Variants in SLC6A15 observed in about 807,000 individuals in gnomAD.
The protein encoded by SLC6A15 is sodium-dependent neutral amino acid transporter B(0)AT2.
Under a neutral mutation model 68.5 loss-of-function variants are expected in SLC6A15, and 33 were observed. The observed-to-expected ratio is 0.48, with a 90% CI of 0.37 to 0.64. The LOEUF (loss-of-function observed/expected upper bound fraction) is 0.64. SLC6A15 is among the 30% of genes least tolerant of loss of function. The pLI is 0.00. For missense variants in SLC6A15, 747 were observed against 874.3 expected, an observed-to-expected ratio of 0.85 and a Z score of 1.84; for synonymous variants, 347 against 301.0, an observed-to-expected ratio of 1.15 and a Z score of -1.58.
intron 9 of SLC6A15, among the ~76,000 whole-genome samples, chr12:84,869,010 A>G (rs1483905824): frequency 6.6e-6 from 1 of 152,218 alleles, no homozygotes; most frequent in Admixed American, 6.5e-5. Context: ...GTGGATATAT[A>G]GCTATCAATA....
rs1381935671 is a variant in SLC6A15, at chr12:84,859,756, G to A, written c.*1876C>T. On this transcript the variant is annotated 3_prime_UTR_variant, in exon 12 of 12. Transcript: ENST00000266682. ...TTATTAGTTCAGCCTCTGAAATAAG[G>A]AAGCACATTTGTGAATATTCATACA... 1.3e-5 allele frequency: 2 copies of A among 151,954 alleles called. No homozygotes were observed. The highest frequency in any genetic ancestry group is 4.8e-5 in the African/African-American group (2 of 41,398). The allele number at this position is 151,954 out of a possible 1,614,324, so 9.4% of individuals were successfully genotyped here. A position where few individuals can be genotyped will look rare whatever the true frequency, so the allele number is the denominator to read the frequency against.
chr12:84,897,433 T>C (rs1872677731), intron 1 of SLC6A15, among the ~76,000 whole-genome samples: 1 of 151,976 alleles, frequency 6.6e-6, no homozygotes, highest in African/African-American at 2.4e-5. Context: ...AATAATACAA[T>C]TAATAAAACA....
Position 84,861,428 on chromosome 12 carries a change from T to C in SLC6A15, c.*204A>G. On this transcript the variant is annotated 3_prime_UTR_variant, in exon 12 of 12. Transcript: ENST00000266682. Reference sequence around the variant, plus strand: ...TGTACCTCAGCCCTCCTAAGATTTGTCTGCAATCCTTTCTGCACAAATGTA... The same window carrying C: ...TGTACCTCAGCCCTCCTAAGATTTGCCTGCAATCCTTTCTGCACAAATGTA... 2.0e-6 allele frequency: 1 copy of C among 496,738 alleles called. No homozygotes were observed. The highest frequency in any genetic ancestry group is 6.4e-5 in the South Asian group (1 of 15,654). 30.8% of individuals were successfully genotyped at this position (496,738 alleles called of 1,614,324 possible).
chr12:84,888,129 G>A (rs1283346614), intron 2 of SLC6A15, among the ~76,000 whole-genome samples: 5 of 150,736 alleles, frequency 3.3e-5, no homozygotes, highest in African/African-American at 9.7e-5. Flanking sequence ...CGTGGGCTGC[G>A]CGCCTGTGGT....
intron 9 of SLC6A15, among the ~76,000 whole-genome samples, chr12:84,869,353 T>C (rs746203191): frequency 1.3e-4 from 20 of 151,194 alleles, no homozygotes; most frequent in Non-Finnish European, 2.4e-4. Flanking sequence ...TCCCAGCTAC[T>C]CGGGAGGCTG....
chr12:84,859,799 T>A lies in SLC6A15; in HGVS notation c.*1833A>T, dbSNP rs778109590. ...TTCATACATAAAATGCTGTCCAAAATAAATTATTCACAGAAATAGGTAAGA... is the reference window on the plus strand; with the variant it reads ...TTCATACATAAAATGCTGTCCAAAAAAAATTATTCACAGAAATAGGTAAGA... On this transcript the variant is annotated 3_prime_UTR_variant, in exon 12 of 12. Coordinates refer to ENST00000266682, the MANE Select transcript of SLC6A15 (RefSeq NM_182767.6). 9.9e-5 allele frequency: 15 copies of A among 152,020 alleles called. No homozygotes were observed. The highest frequency in any genetic ancestry group is 2.1e-4 in the Non-Finnish European group (14 of 67,910). 9.4% of individuals were successfully genotyped at this position (152,020 alleles called of 1,614,324 possible).
intron 1 of SLC6A15, among the ~76,000 whole-genome samples, chr12:84,910,384 C>T (rs563273968): frequency 6.6e-6 from 1 of 151,806 alleles, no homozygotes; most frequent in Non-Finnish European, 1.5e-5. Flanking sequence ...TTTACCACAA[C>T]AAATACACAT....
Position 84,876,577 on chromosome 12 carries a change from C to A in SLC6A15, c.787G>T (p.Val263Leu). ...CTGATGAGGAAGCAAATAAGTACCA[C>A]ATATGGAAACAGAGAACTAAAATAT... ...IIYFSSLFPY[V>L]VLICFLIRAF... The change falls in exon 6 of 12, where the codon GTG becomes TTG. Residue 263 changes from valine to leucine, a missense_variant. Transcript: ENST00000266682. 1 of 1,584,396 alleles carries A rather than the reference C, an allele frequency of 6.3e-7. No individual in the cohort carries two copies. Among genetic ancestry groups the A allele is most frequent in the South Asian group, 1.2e-5 (1 of 85,586 alleles).
At chr12:84,871,499 A>G (rs1318847472) in intron 8 of SLC6A15, among the ~76,000 whole-genome samples, 1 of 152,118 alleles carries the variant, frequency 6.6e-6, no homozygotes, top group Non-Finnish European at 1.5e-5. Flanking sequence ...GAGTTGTAAA[A>G]TAACAACTTA....
intron 5 of SLC6A15, chr12:84,883,403 C>T: frequency 9.7e-7 from 1 of 1,033,110 alleles, no homozygotes; most frequent in Non-Finnish European, 1.2e-6. Flanking sequence ...CTTCACATTA[C>T]ATTATTTCAA....
chr12:84,873,275 G>C lies in SLC6A15; in HGVS notation c.921C>G (p.Phe307Leu). Reference sequence around the variant, plus strand: ...CACCAAATCCCAGACCTAAGGCAAAGAACACTTGAGTAGCAGCTTCTCTCC... The same window carrying C: ...CACCAAATCCCAGACCTAAGGCAAACAACACTTGAGTAGCAGCTTCTCTCC... ...KVWREAATQVFFALGLGFGGV... is the reference protein window; with the variant it reads ...KVWREAATQVLFALGLGFGGV... The change falls in exon 7 of 12, where the codon TTC (phenylalanine) becomes TTG (leucine). Residue 307 changes from phenylalanine to leucine, a missense_variant. Coordinates refer to ENST00000266682, the MANE Select transcript of SLC6A15 (RefSeq NM_182767.6). 6.2e-7 allele frequency: 1 copy of C among 1,614,052 alleles called. No homozygotes were observed. The highest frequency in any genetic ancestry group is 8.5e-7 in the Non-Finnish European group (1 of 1,179,984).
At chr12:84,864,316 C>A (rs1031126058) in intron 10 of SLC6A15, among the ~76,000 whole-genome samples, 1 of 144,250 alleles carries the variant, frequency 6.9e-6, no homozygotes, top group Non-Finnish European at 1.5e-5. Context: ...TCCATTCTTT[C>A]TTTCTTTTTT....
chr12:84,879,791 T>C (rs992214520), intron 5 of SLC6A15, among the ~76,000 whole-genome samples: 5 of 152,156 alleles, frequency 3.3e-5, no homozygotes, highest in Non-Finnish European at 5.9e-5. Context: ...AATTCATTCA[T>C]TGAATTGTGG....
intron 8 of SLC6A15, among the ~76,000 whole-genome samples, chr12:84,872,222 A>G (rs1345380563): frequency 6.6e-6 from 1 of 152,118 alleles, no homozygotes; most frequent in East Asian, 1.9e-4. Flanking sequence ...TATTTTAAAT[A>G]TTATTCATGC....
intron 1 of SLC6A15, among the ~76,000 whole-genome samples, chr12:84,894,329 T>C (rs1391062177): frequency 3.3e-5 from 5 of 152,178 alleles, no homozygotes; most frequent in African/African-American, 1.2e-4. Flanking sequence ...GCAAGTGATA[T>C]ATGGATAAGA....
rs895210146 is a variant in SLC6A15, at chr12:84,912,648, C to CAGCT, written c.-318_-315dup. The CAGCT allele has an allele frequency of 3.3e-5, 5 of 152,542 alleles. No individual in the cohort carries two copies. The highest frequency in any genetic ancestry group is 1.2e-4 in the African/African-American group (5 of 41,430). 9.4% of individuals were successfully genotyped at this position (152,542 alleles called of 1,614,324 possible). On this transcript the variant is annotated 5_prime_UTR_variant, in exon 1 of 12. Transcript: ENST00000266682. The stretch of plus-strand genomic sequence containing the variant: ...CGAAGAGGAGCTGTTGGCAGAGAAG[C>CAGCT]AGCTTCTTGCCTAGGTTGGGACCCG...
chr12:84,886,556 C>T (rs1273280756), intron 2 of SLC6A15, among the ~76,000 whole-genome samples: 1 of 147,090 alleles, frequency 6.8e-6, no homozygotes, highest in Non-Finnish European at 1.5e-5. Context: ...AAAATAACAT[C>T]ATGGAAGAAG....
At chr12:84,887,294 A>G (rs1239434734) in intron 2 of SLC6A15, among the ~76,000 whole-genome samples, 1 of 152,200 alleles carries the variant, frequency 6.6e-6, no homozygotes, top group Admixed American at 6.5e-5. Flanking sequence ...AGATTTTTGA[A>G]GCTATTCGAA....
chr12:84,895,544 T>C (rs190809085), intron 1 of SLC6A15, among the ~76,000 whole-genome samples: 1 of 151,872 alleles, frequency 6.6e-6, no homozygotes, highest in East Asian at 2.0e-4. Flanking sequence ...AGACGAGGTT[T>C]CACCTTCTTG....
Sources: allele counts gnomAD v4.1 joint callset (sites outside exome capture counted in the v4.1 genomes callset), GRCh38; gene constraint gnomAD v4.1.1; transcripts MANE v1.5; gene names NCBI Gene and HGNC (gene_info 2026-07-23, HGNC 2026-07-21).